The following KIF20B variants were observed in gnomAD, a reference collection of about 807,000 sequenced individuals.
The protein encoded by KIF20B is kinesin-like protein KIF20B.
KIF20B carries 188 observed loss-of-function variants against 232.5 expected under a neutral mutation model. That is an observed-to-expected ratio of 0.81 (90% confidence interval 0.72 to 0.91). The LOEUF is 0.91. Among genes scored for constraint, KIF20B ranks in the 40% least tolerant of loss-of-function variants. The pLI is 0.00. For missense variants in KIF20B, 2,154 were observed against 2,055.9 expected (o/e 1.05, Z -0.92); for synonymous variants, 712 against 683.0 (o/e 1.04, Z -0.66).
At chr10:89,765,462 A>C (rs1842338996) in intron 29 of KIF20B, among the ~76,000 whole-genome samples, 1 of 152,146 alleles carries the variant, frequency 6.6e-6, no homozygotes, top group Non-Finnish European at 1.5e-5. Flanking sequence ...CATACTGCCC[A>C]AGCTAATTTA....
chr10:89,745,930 C>A lies in KIF20B; in HGVS notation c.4067C>A (p.Ala1356Asp). 1.2e-6 allele frequency: 2 copies of A among 1,610,962 alleles called. No homozygotes were observed. Among genetic ancestry groups the A allele is most frequent in the Non-Finnish European group, 1.7e-6 (2 of 1,177,150 alleles). ...EQLNNQKVEE[A>D]IQQYERACKD... is the part of the protein sequence containing the mutation. ...TTAAATAATCAGAAAGTGGAAGAAG[C>A]TATACAACAGTATGAGAGAGCATGC... The change falls in exon 23 of 33, where the codon GCT becomes GAT. Residue 1356 changes from alanine to aspartate, a missense_variant. By Grantham distance (126) the Ala-to-Asp change is moderately radical. Coordinates refer to ENST00000371728, the MANE Select transcript of KIF20B (RefSeq NM_001284259.2).
At chr10:89,759,149 A>T (rs1201468169) in intron 27 of KIF20B, among the ~76,000 whole-genome samples, 1 of 151,576 alleles carries the variant, frequency 6.6e-6, no homozygotes, top group East Asian at 1.9e-4. Flanking sequence ...TTACTTTGGT[A>T]GAGTAATTAG....
intron 31 of KIF20B, among the ~76,000 whole-genome samples, chr10:89,769,756 G>A (rs999883445): frequency 6.6e-6 from 1 of 151,902 alleles, no homozygotes; most frequent in African/African-American, 2.4e-5. Context: ...AAATGTTCAT[G>A]CAATTACAGG....
chr10:89,718,653 C>T, intron 11 of KIF20B, 57 bp from the exon 12 acceptor site: 1 of 1,335,334 alleles, frequency 7.5e-7, no homozygotes, highest in Non-Finnish European at 1.1e-6. Flanking sequence ...GTCTCAGCAC[C>T]CTGATTTCAT....
Position 89,717,595 on chromosome 10 carries a change from G to A in KIF20B, c.1144G>A (p.Ala382Thr), listed in dbSNP as rs1188037095. Residue 382 changes from alanine to threonine, a missense_variant, in exon 11 of 33, where the codon GCT becomes ACT. Transcript: ENST00000371728. The stretch of plus-strand genomic sequence containing the variant: ...ATTCAGATTATCTTTATGTGATCTT[G>A]CTGGTTCAGAACGAACTATGAAGAC... ...RVSELSLCDLAGSERTMKTQN... is the reference protein window; with the variant it reads ...RVSELSLCDLTGSERTMKTQN... 6.2e-7 allele frequency: 1 copy of A among 1,609,122 alleles called. No individual in the cohort carries two copies. The highest frequency in any genetic ancestry group is 1.3e-5 in the African/African-American group (1 of 74,494).
intron 22 of KIF20B, 118 bp downstream of exon 22, chr10:89,744,045 A>C (rs1841860851): frequency 1.3e-6 from 1 of 788,828 alleles, no homozygotes. Flanking sequence ...TAGAATCTAG[A>C]AATAAATTAT....
At chr10:89,735,095 T>A (rs192098902) in intron 19 of KIF20B, among the ~76,000 whole-genome samples, 347 of 152,264 alleles carry the variant, frequency 2.3e-3, no homozygotes, top group African/African-American at 7.8e-3. Flanking sequence ...TTTTTCAGTG[T>A]TAAAGAGAGA....
At chr10:89,753,611 G>C (rs1166899457) in intron 25 of KIF20B, among the ~76,000 whole-genome samples, 1 of 151,988 alleles carries the variant, frequency 6.6e-6, no homozygotes, top group African/African-American at 2.4e-5. Context: ...GTAATATAGT[G>C]ATTTTAGAAG....
chr10:89,726,038 T>G (rs1450001379), intron 15 of KIF20B, among the ~76,000 whole-genome samples: 1 of 152,244 alleles, frequency 6.6e-6, no homozygotes, highest in Non-Finnish European at 1.5e-5. Flanking sequence ...TAGGTAATCA[T>G]AATTGTTCTA....
At chr10:89,720,946 G>A (rs765076466) in intron 13 of KIF20B, among the ~76,000 whole-genome samples, 8 of 152,212 alleles carry the variant, frequency 5.3e-5, no homozygotes, top group Non-Finnish European at 4.4e-5. Context: ...CTGACCTTGC[G>A]ATTGCCCGCC....
chr10:89,706,582 A>T (rs1425864187), intron 2 of KIF20B, among the ~76,000 whole-genome samples: 1 of 151,358 alleles, frequency 6.6e-6, no homozygotes, highest in African/African-American at 2.4e-5. Flanking sequence ...TGTGCAGTTG[A>T]TATAGGGACC....
chr10:89,712,616 A>G (rs1234835562), intron 6 of KIF20B, among the ~76,000 whole-genome samples: 1 of 152,062 alleles, frequency 6.6e-6, no homozygotes, highest in Non-Finnish European at 1.5e-5. Context: ...TTTTTTTTCC[A>G]GGCAATATTT....
At chr10:89,709,585 TA>T (rs1842796300) in intron 4 of KIF20B, 124 bp downstream of exon 4, 1 of 633,586 alleles carries the variant, frequency 1.6e-6, no homozygotes, top group African/African-American at 1.8e-5. Flanking sequence ...ATTTTAAGGA[TA>T]AGACTCAAAT....
At chr10:89,728,905 T>TTGTGTGTGTGTG (rs71022581) in intron 17 of KIF20B, among the ~76,000 whole-genome samples, 1,685 of 138,034 alleles carry the variant, frequency 0.012, 10 homozygotes, top group South Asian at 0.024. Flanking sequence ...TCTTTTTTCT[T>TTGTGTGTGTGTG]TGTGTGTGTG....
At chr10:89,754,943 C>T (rs939104051) in intron 26 of KIF20B, among the ~76,000 whole-genome samples, 2 of 152,164 alleles carry the variant, frequency 1.3e-5, no homozygotes, top group Non-Finnish European at 1.5e-5. Flanking sequence ...TCCTTTTGAC[C>T]GTTACAGAGT....
At chr10:89,727,306 C>T (rs570368566) in intron 16 of KIF20B, among the ~76,000 whole-genome samples, 4 of 150,214 alleles carry the variant, frequency 2.7e-5, no homozygotes, top group South Asian at 2.1e-4. Context: ...CAGGCTGGAG[C>T]GCAGAGGCAT....
intron 7 of KIF20B, 126 bp downstream of exon 7, chr10:89,714,209 G>T: frequency 2.4e-6 from 1 of 412,476 alleles, no homozygotes; most frequent in East Asian, 4.4e-5. Context: ...GGCTGGGCGC[G>T]GTGGCTCATG....
chr10:89,739,167 A>G (rs2133130209), intron 21 of KIF20B, 71 bp downstream of exon 21: 6 of 1,476,846 alleles, frequency 4.1e-6, no homozygotes, highest in African/African-American at 1.4e-5. Flanking sequence ...AAACTTAGAC[A>G]TTAATCTTAG....
intron 21 of KIF20B, among the ~76,000 whole-genome samples, chr10:89,742,128 G>A (rs1445850889): frequency 6.6e-6 from 1 of 152,140 alleles, no homozygotes; most frequent in Non-Finnish European, 1.5e-5. Context: ...AAATTGCGAA[G>A]AAGAAAAAAG....
Sources: gnomAD v4.1 joint callset for allele counts (sites outside exome capture counted in the v4.1 genomes callset) on GRCh38, gnomAD v4.1.1 for gene constraint, MANE v1.5 for transcripts, NCBI Gene and HGNC (gene_info 2026-07-23, HGNC 2026-07-21) for gene names.